Variants in BBS1 observed in about 807,000 individuals in gnomAD.
BBS1 encodes the protein BBSome complex member BBS1.
BBS1 carries 60 observed loss-of-function variants against 73.9 expected under a neutral mutation model. The ratio of observed to expected loss-of-function variants is 0.81; its 90% CI spans 0.66 to 1.01. The LOEUF (loss-of-function observed/expected upper bound fraction) is 1.01. BBS1 is among the 50% of genes least tolerant of loss of function. The pLI, the probability that BBS1 is intolerant of heterozygous loss-of-function variation, is 0.00. For synonymous variants in BBS1, 283 were observed against 317.4 expected, an observed-to-expected ratio of 0.89 and a Z score of 1.15; for missense variants, 718 against 770.3, an observed-to-expected ratio of 0.93 and a Z score of 0.80.
intron 13 of BBS1, among the ~76,000 whole-genome samples, chr11:66,527,315 A>T (rs1011807150): frequency 6.6e-6 from 1 of 151,898 alleles, no homozygotes; most frequent in African/African-American, 2.4e-5. Context: ...TCGTTCGTTC[A>T]TTCATTCATT....
chr11:66,514,127 A>G (rs1368658848), intron 3 of BBS1, among the ~76,000 whole-genome samples: 1 of 152,198 alleles, frequency 6.6e-6, no homozygotes, highest in Non-Finnish European at 1.5e-5. Flanking sequence ...AAAAACATCA[A>G]CTGCCACTTA....
intron 13 of BBS1, chr11:66,527,129 C>T (rs1856548664): frequency 9.9e-7 from 1 of 1,009,434 alleles, no homozygotes. Flanking sequence ...GTAATCCCAA[C>T]ACTTTGGCAG....
Position 66,532,225 on chromosome 11 carries a change from G to A in BBS1, c.*188G>A, listed in dbSNP as rs867153954. ...TAGCAGGTTAGTGAGTACCTAGGGC[G>A]GCTCAACTCCTCCCACAGCACCAAC... On this transcript the variant is annotated 3_prime_UTR_variant, in exon 17 of 17. Coordinates refer to ENST00000318312, the MANE Select transcript of BBS1 (RefSeq NM_024649.5). The A allele has an allele frequency of 1.3e-5, 8 of 630,618 alleles. No individual in the cohort carries two copies. Among genetic ancestry groups the A allele is most frequent in the South Asian group, 7.8e-5 (4 of 51,392 alleles). The allele number at this position is 630,618 out of a possible 1,614,324, so 39.1% of individuals were successfully genotyped here.
chr11:66,529,279 T>G (rs1279286529), intron 13 of BBS1: 1 of 1,533,340 alleles, frequency 6.5e-7, no homozygotes, highest in Non-Finnish European at 8.7e-7. Flanking sequence ...CTAGGTGACT[T>G]GATGGACAGG....
rs150040223 is a variant in BBS1, at chr11:66,530,823, G to A, written c.1474-71G>A. The A allele has an allele frequency of 2.8e-3, 4,451 of 1,601,064 alleles. 8 individuals are homozygous for A. Among genetic ancestry groups the A allele is most frequent in the Middle Eastern group, 5.5e-3 (33 of 6,048 alleles). On this transcript the variant is annotated intron_variant, in intron 14 of 16. Coordinates refer to ENST00000318312, the MANE Select transcript of BBS1 (RefSeq NM_024649.5). ...ACATGAGGGCATTGGTGGAAGGCAG[G>A]CAGAGCACACTGTACTCCGTGCCCA...
chr11:66,524,780 G>A (rs1856411028), intron 11 of BBS1, among the ~76,000 whole-genome samples: 1 of 152,174 alleles, frequency 6.6e-6, no homozygotes, highest in South Asian at 2.1e-4. Flanking sequence ...TATGTCACAA[G>A]TGAGGGCCAG....
intron 8 of BBS1, chr11:66,519,974 T>C: frequency 2.2e-6 from 1 of 459,880 alleles, no homozygotes; most frequent in South Asian, 2.1e-5. Context: ...CATAGATATA[T>C]AACTTTATGT....
intron 13 of BBS1, chr11:66,527,131 C>T: frequency 1.0e-6 from 1 of 986,834 alleles, no homozygotes; most frequent in Non-Finnish European, 1.5e-6. Flanking sequence ...AATCCCAACA[C>T]TTTGGCAGAG....
chr11:66,530,168 G>A (rs938114282), intron 14 of BBS1, among the ~76,000 whole-genome samples: 5 of 152,134 alleles, frequency 3.3e-5, no homozygotes, highest in African/African-American at 1.2e-4. Flanking sequence ...CTCTCCCCTC[G>A]GCTGGCCATG....
chr11:66,514,363 T>C (rs1257058948), intron 3 of BBS1, 43 bp from the exon 4 acceptor site: 1 of 1,612,006 alleles, frequency 6.2e-7, no homozygotes, highest in Non-Finnish European at 8.5e-7. Context: ...AGTGGAGAGG[T>C]CTTCAGACCC....
At chr11:66,510,904 C>A in intron 1 of BBS1, 109 bp from the exon 2 acceptor site, 1 of 1,423,564 alleles carries the variant, frequency 7.0e-7, no homozygotes, top group Non-Finnish European at 9.9e-7. Context: ...TGGACTTGTA[C>A]CCAGACGTTC....
At chr11:66,515,444 A>C in intron 4 of BBS1, 96 bp from the exon 5 acceptor site, 6 of 1,366,068 alleles carry the variant, frequency 4.4e-6, no homozygotes, top group Non-Finnish European at 6.3e-6. Context: ...GCAGAGACCA[A>C]GAGGTACCCC....
In BBS1 at chr11:66,526,212, G is replaced by T; in HGVS notation, c.1180+20G>T. The T allele has an allele frequency of 6.2e-7, 1 of 1,613,034 alleles. No homozygotes were observed. Among genetic ancestry groups the T allele is most frequent in the Non-Finnish European group, 8.5e-7 (1 of 1,179,048 alleles). ...CTCGAGGTGAGTGGAGTCAGACCTG[G>T]CAAGGGCTTTGAAGTCGGGAGTGAA... On this transcript the variant is annotated intron_variant, in intron 12 of 16. Coordinates refer to ENST00000318312, the MANE Select transcript of BBS1 (RefSeq NM_024649.5).
At position 66,523,734 on chromosome 11, in the gene BBS1, T is replaced by C; in HGVS notation, c.962T>C (p.Leu321Pro). ...LHGFTHKGKK[L>P]WTVQMPAAIL... ...GCTGTTCCCTGCCAGGGGAAGAAGC[T>C]GTGGACAGTGCAGATGCCCGCAGCC... The change falls in exon 11 of 17, where the codon CTG becomes CCG. Residue 321 changes from leucine to proline, a missense_variant. Transcript: ENST00000318312. 6.2e-7 allele frequency: 1 copy of C among 1,611,718 alleles called. No individual in the cohort carries two copies. Among genetic ancestry groups the C allele is most frequent in the Non-Finnish European group, 8.5e-7 (1 of 1,180,014 alleles).
chr11:66,528,281 C>A (rs75606745), intron 13 of BBS1, among the ~76,000 whole-genome samples: 3,019 of 152,242 alleles, frequency 0.02, 89 homozygotes, highest in African/African-American at 0.069. Flanking sequence ...CAGAAAAGAC[C>A]ACCTTCAAGA....
rs1856691081 is a variant in BBS1, at chr11:66,529,830, G to A, written c.1351G>A (p.Ala451Thr). Reference sequence around the variant, plus strand: ...ACCCTTCTCCACAGCCATGCACCGGGCCTTCCAGACAGACCTATACCTGCT... The same window carrying A: ...ACCCTTCTCCACAGCCATGCACCGGACCTTCCAGACAGACCTATACCTGCT... Reference protein sequence around the residue: ...EREAGTAMHRAFQTDLYLLRL... With the variant: ...EREAGTAMHRTFQTDLYLLRL... The change falls in exon 14 of 17, where the codon GCC (alanine) becomes ACC (threonine). Residue 451 changes from alanine (A) to threonine (T), a missense_variant. Transcript: ENST00000318312. 6.2e-7 allele frequency: 1 copy of A among 1,611,156 alleles called. No individual in the cohort carries two copies. Among genetic ancestry groups the A allele is most frequent in the Admixed American group, 1.7e-5 (1 of 59,998 alleles).
chr11:66,515,453 C>A, intron 4 of BBS1, 87 bp from the exon 5 acceptor site: 1 of 1,435,976 alleles, frequency 7.0e-7, no homozygotes, highest in African/African-American at 1.4e-5. Flanking sequence ...AAGAGGTACC[C>A]CTAGAAGTGT....
chr11:66,517,115 C>T (rs1339792886), intron 7 of BBS1, among the ~76,000 whole-genome samples: 1 of 151,340 alleles, frequency 6.6e-6, no homozygotes, highest in Non-Finnish European at 1.5e-5. Context: ...AGGGGAATGG[C>T]GTTAACCCGG....
chr11:66,520,280 C>A (rs951218244), intron 8 of BBS1: 1 of 157,204 alleles, frequency 6.4e-6, no homozygotes, highest in Non-Finnish European at 1.4e-5. Flanking sequence ...CTTTTATTTT[C>A]TTTTGTTTTG....
Sources: gnomAD v4.1 joint callset for allele counts (sites outside exome capture counted in the v4.1 genomes callset) on GRCh38, gnomAD v4.1.1 for gene constraint, MANE v1.5 for transcripts, NCBI Gene and HGNC (gene_info 2026-07-23, HGNC 2026-07-21) for gene names.